The following PLOD1 variants were observed in gnomAD, a reference collection of about 807,000 sequenced individuals.
PLOD1 encodes procollagen-lysine,2-oxoglutarate 5-dioxygenase 1, also known as lysine hydroxylase.
Under a neutral mutation model 94.7 loss-of-function variants are expected in PLOD1, and 70 were observed. The observed-to-expected ratio is 0.74, with a 90% CI of 0.61 to 0.90. The LOEUF is 0.90. Among genes scored for constraint, PLOD1 ranks in the 40% least tolerant of loss-of-function variants. The probability of loss-of-function intolerance (pLI) is 0.00; values close to 1 mark genes in which losing one functional copy is unlikely to be tolerated. For missense variants in PLOD1, 905 were observed against 972.7 expected, an observed-to-expected ratio of 0.93 and a Z score of 0.93; for synonymous variants, 417 against 400.2, an observed-to-expected ratio of 1.04 and a Z score of -0.50.
At chr1:11,961,065 C>T (rs1465791627) in intron 10 of PLOD1, among the ~76,000 whole-genome samples, 1 of 151,720 alleles carries the variant, frequency 6.6e-6, no homozygotes, top group Non-Finnish European at 1.5e-5. Flanking sequence ...AGGGAGCCAA[C>T]CTTGAATGTT....
At chr1:11,946,015 A>G (rs1271363618) in intron 1 of PLOD1, among the ~76,000 whole-genome samples, 4 of 152,056 alleles carry the variant, frequency 2.6e-5, no homozygotes, top group Admixed American at 1.3e-4. Context: ...AGCCTTCAGT[A>G]ATACCTCTTC....
chr1:11,958,029 C>T lies in PLOD1; in HGVS notation c.843+86C>T, dbSNP rs1569706865. ...GAGATGGGTGATTCTGGAATAGACT[C>T]CATTGTCTTTGGTGGAAAGTGAAGG... On this transcript the variant is annotated intron_variant, in intron 8 of 18. Coordinates refer to ENST00000196061, the MANE Select transcript of PLOD1 (RefSeq NM_000302.4). The surrounding 1 kb of genome is among the most constrained non-coding windows in gnomAD (Gnocchi z 4.3). The T allele has an allele frequency of 2.1e-6, 2 of 935,538 alleles. No individual in the cohort carries two copies. Among genetic ancestry groups the T allele is most frequent in the Admixed American group, 1.8e-5 (1 of 57,124 alleles). The allele number at this position is 935,538 out of a possible 1,614,324, so 58.0% of individuals were successfully genotyped here.
rs1270773422 is a variant in PLOD1 at position 11,964,638 on chromosome 1, C to T, written c.1329-6C>T. Reference sequence around the variant, plus strand: ...GACCCCCACCCGCTTTCTGTCTCTCCCACAGTGGTGTCTGGAATGTGCCCT... The same window carrying T: ...GACCCCCACCCGCTTTCTGTCTCTCTCACAGTGGTGTCTGGAATGTGCCCT... On this transcript the variant is annotated splice_region_variant and splice_polypyrimidine_tract_variant and intron_variant, in intron 12 of 18. Coordinates refer to ENST00000196061, the MANE Select transcript of PLOD1 (RefSeq NM_000302.4). 3 of 1,613,066 alleles carry T rather than the reference C, an allele frequency of 1.9e-6. No homozygotes were observed. The highest frequency in any genetic ancestry group is 3.3e-4 in the Middle Eastern group (2 of 6,062).
rs189361680 is a variant in PLOD1, at chr1:11,961,850, G to A, written c.1097+1083G>A. Reference sequence around the variant, plus strand: ...GTCACTCAGGCTGGAGCGCAGTGGCGCGATCTCGGCTCACTGCAACCTCCC... The same window carrying A: ...GTCACTCAGGCTGGAGCGCAGTGGCACGATCTCGGCTCACTGCAACCTCCC... On this transcript the variant is annotated intron_variant, in intron 10 of 18. Coordinates refer to ENST00000196061, the MANE Select transcript of PLOD1 (RefSeq NM_000302.4). 3.2e-3 allele frequency among the ~76,000 whole-genome samples: 488 copies of A among 152,280 alleles called. 4 individuals are homozygous for A. The highest frequency in any genetic ancestry group is 5.4e-3 in the Admixed American group (83 of 15,282).
chr1:11,963,839 T>C lies in PLOD1; in HGVS notation c.1202+203T>C, dbSNP rs529709348. On this transcript the variant is annotated intron_variant, in intron 11 of 18. Coordinates refer to ENST00000196061, the MANE Select transcript of PLOD1 (RefSeq NM_000302.4). The surrounding 1 kb of genome is among the most constrained non-coding windows in gnomAD (Gnocchi z 4.3). ...TCCTCCTCTTCCTCCTTTTTCCTCC[T>C]CCTCCTCGTCTTCCTCATCCTCTTT... Among the ~76,000 whole-genome samples the C allele has an allele frequency of 2.0e-5, 3 of 151,794 alleles. No homozygotes were observed. Among genetic ancestry groups the C allele is most frequent in the Admixed American group, 2.0e-4 (3 of 15,202 alleles).
chr1:11,970,883 G>T (rs1645858401), intron 17 of PLOD1, 67 bp downstream of exon 17: 3 of 1,239,888 alleles, frequency 2.4e-6, no homozygotes, highest in East Asian at 3.6e-5. Flanking sequence ...GAGTGGCTGG[G>T]ACTGGTGGGG....
At chr1:11,952,187 C>G (rs540598847) in intron 4 of PLOD1, among the ~76,000 whole-genome samples, 2 of 152,346 alleles carry the variant, frequency 1.3e-5, no homozygotes, top group South Asian at 4.1e-4. Context: ...TGGGCTTCCC[C>G]ACTATGCCAG....
chr1:11,957,101 G>C lies in PLOD1; in HGVS notation c.741+87G>C. ...CTGTGACCCCACAGTGTCTCCCTGG[G>C]GCCAGGGCCACCTTCCTGGGGCCTG... On this transcript the variant is annotated intron_variant, in intron 7 of 18. Transcript: ENST00000196061. This position sits in a 1 kb window ranked among gnomAD's most constrained non-coding sequence, Gnocchi z 4.1. The C allele has an allele frequency of 1.1e-6, 1 of 903,118 alleles. No individual in the cohort carries two copies. Among genetic ancestry groups the C allele is most frequent in the Non-Finnish European group, 1.9e-6 (1 of 531,506 alleles). 55.9% of individuals were successfully genotyped at this position (903,118 alleles called of 1,614,324 possible).
intron 1 of PLOD1, among the ~76,000 whole-genome samples, chr1:11,940,810 G>A (rs1457187796): frequency 6.6e-6 from 1 of 152,204 alleles, no homozygotes; most frequent in Non-Finnish European, 1.5e-5. Context: ...CCACATCCAT[G>A]CCTTAAGGGT....
In PLOD1 at chr1:11,964,312, C is replaced by CTGGG; in HGVS notation, c.1328+12_1328+13insTGGG. 2.0e-6 allele frequency: 1 copy of CTGGG among 501,452 alleles called. No homozygotes were observed. Among genetic ancestry groups the CTGGG allele is most frequent in the Non-Finnish European group, 3.7e-6 (1 of 267,118 alleles). 31.1% of individuals were successfully genotyped at this position (501,452 alleles called of 1,614,324 possible). A position where few individuals can be genotyped will look rare whatever the true frequency, so the allele number is the denominator to read the frequency against. On this transcript the variant is annotated intron_variant, in intron 12 of 18. Transcript: ENST00000196061. The stretch of plus-strand genomic sequence containing the variant: ...CAGGGGCGGCGTGTGTGAGTACCTG[C>CTGGG]AGGGTGGGGGTGGGTGGGGGACACC...
At chr1:11,935,711 A>G (rs1569657227) in intron 1 of PLOD1, among the ~76,000 whole-genome samples, 1 of 148,064 alleles carries the variant, frequency 6.8e-6, no homozygotes, top group African/African-American at 2.5e-5. Context: ...TGCAACCTCC[A>G]CCTCCCAGGT....
chr1:11,963,510 C>T lies in PLOD1; in HGVS notation c.1098-22C>T. 1.3e-6 allele frequency: 2 copies of T among 1,483,570 alleles called. No homozygotes were observed. The highest frequency in any genetic ancestry group is 1.9e-6 in the Non-Finnish European group (2 of 1,075,900). The allele number at this position is 1,483,570 out of a possible 1,614,324, so 91.9% of individuals were successfully genotyped here. On this transcript the variant is annotated intron_variant, in intron 10 of 18. Coordinates refer to ENST00000196061, the MANE Select transcript of PLOD1 (RefSeq NM_000302.4). The surrounding 1 kb of genome is among the most constrained non-coding windows in gnomAD (Gnocchi z 4.3). ...GTAGCTCCAGGATCAGGTGCACTGA[C>T]CCTGTGTCCTCCTCCTTGCAGAGAC...
At chr1:11,945,695 C>CTTTA (rs144668201) in intron 1 of PLOD1, among the ~76,000 whole-genome samples, 2,681 of 152,158 alleles carry the variant, frequency 0.018, 82 homozygotes, top group African/African-American at 0.061. Flanking sequence ...AGTAATACCT[C>CTTTA]TTTATTTTTA....
chr1:11,967,616 A>ATATATATATATATATATATATATATATAG lies in PLOD1; in HGVS notation c.1755+525_1755+526insTATATATATATATATATATATATATATAG, dbSNP rs35226154. ...GTGTGTGTATATATATATATATATA[A>ATATATATATATATATATATATATATATAG]AAAGAAATATATATAGATTTTATTT... On this transcript the variant is annotated intron_variant, in intron 16 of 18. Coordinates refer to ENST00000196061, the MANE Select transcript of PLOD1 (RefSeq NM_000302.4). Among the ~76,000 whole-genome samples the ATATATATATATATATATATATATATATAG allele has an allele frequency of 2.7e-5, 2 of 75,144 alleles. 1 individual carries two copies. The highest frequency in any genetic ancestry group is 4.9e-5 in the Non-Finnish European group (2 of 41,018). The allele number at this position is 75,144 out of a possible 152,430, so 49.3% of individuals were successfully genotyped here.
In PLOD1 at chr1:11,957,162, T is replaced by C. The variant is rs781453537; in HGVS notation, c.741+148T>C. 8 of 769,720 alleles carry C rather than the reference T, an allele frequency of 1.0e-5. No homozygotes were observed. The South Asian group carries it at 1.1e-4, about 10-fold the overall frequency. 47.7% of individuals were successfully genotyped at this position (769,720 alleles called of 1,614,324 possible). On this transcript the variant is annotated intron_variant, in intron 7 of 18. Coordinates refer to ENST00000196061, the MANE Select transcript of PLOD1 (RefSeq NM_000302.4). The surrounding 1 kb of genome is among the most constrained non-coding windows in gnomAD (Gnocchi z 4.1). ...ACTGCCTCTGTCCTCACATCTGAGC[T>C]CAGCGTGATGCCTTCTTTTCCTGCT... is the stretch of plus-strand genomic sequence containing the variant.
intron 13 of PLOD1, among the ~76,000 whole-genome samples, chr1:11,965,123 T>A (rs1645806681): frequency 6.6e-6 from 1 of 151,570 alleles, no homozygotes; most frequent in African/African-American, 2.4e-5. Context: ...ACCCTGTCTC[T>A]GCGCCCCACC....
intron 3 of PLOD1, among the ~76,000 whole-genome samples, chr1:11,950,137 T>C (rs1316373363): frequency 1.3e-5 from 2 of 152,130 alleles, no homozygotes; most frequent in Non-Finnish European, 2.9e-5. Flanking sequence ...AAGAGAAGAA[T>C]GACATGTTGT....
At chr1:11,965,701 C>A in intron 14 of PLOD1, 108 bp downstream of exon 14, 1 of 698,806 alleles carries the variant, frequency 1.4e-6, no homozygotes, top group Non-Finnish European at 2.6e-6. Flanking sequence ...CCCCTGTAGG[C>A]CACCTGCCAC....
In PLOD1 at chr1:11,964,784, A is replaced by C. The variant is rs1156431423; in HGVS notation, c.1469A>C (p.Gln490Pro). ...GCCTTCTGTGCCAACATCCGGCAGCAGGTCAGCCAGGAGCGGGCAGCACAG... is the reference window on the plus strand; with the variant it reads ...GCCTTCTGTGCCAACATCCGGCAGCCGGTCAGCCAGGAGCGGGCAGCACAG... ...DMAFCANIRQQDVFMFLTNRH... is the reference protein window; with the variant it reads ...DMAFCANIRQPDVFMFLTNRH... Residue 490 changes from glutamine to proline, a missense_variant and splice_region_variant, in exon 13 of 19, where the codon CAG becomes CCG. Physicochemically the swap from Gln to Pro is moderately conservative, Grantham distance 76. Transcript: ENST00000196061. 6.2e-7 allele frequency: 1 copy of C among 1,613,454 alleles called. No individual in the cohort carries two copies.
Sources: gnomAD v4.1 joint callset for allele counts (sites outside exome capture counted in the v4.1 genomes callset) on GRCh38, gnomAD v4.1.1 for gene constraint, Gnocchi (gnomAD v3.1) non-coding constraint, MANE v1.5 for transcripts, NCBI Gene and HGNC (gene_info 2026-07-23, HGNC 2026-07-21) for gene names.